HHAT: variants seen among roughly 807,000 people sequenced by gnomAD.
HHAT encodes protein-cysteine N-palmitoyltransferase HHAT.
Under a neutral mutation model 70.8 loss-of-function variants are expected in HHAT, and 47 were observed. That is an observed-to-expected ratio of 0.66 (90% confidence interval 0.53 to 0.85). The LOEUF (loss-of-function observed/expected upper bound fraction) is 0.85, where lower values mean the gene tolerates loss of function less well. Ranked by LOEUF, HHAT falls within the 40% of genes least tolerant of loss-of-function variation. HHAT has a pLI of 0.00. For missense variants in HHAT, 609 were observed against 604.8 expected (o/e 1.01, Z -0.07); for synonymous variants, 228 against 247.6 (o/e 0.92, Z 0.74).
At chr1:210,496,056 T>A (rs1572841357) in intron 8 of HHAT, among the ~76,000 whole-genome samples, 2 of 134,796 alleles carry the variant, frequency 1.5e-5, no homozygotes, top group African/African-American at 5.5e-5. Context: ...GTAGAAAATA[T>A]CAGTATTCAT....
chr1:210,533,314 GCA>G lies in HHAT; in HGVS notation c.1043+20127_1043+20128del, dbSNP rs1348473993. 6.4e-5 allele frequency among the ~76,000 whole-genome samples: 8 copies of G among 125,182 alleles called. 2 individuals are homozygous for G. The highest frequency in any genetic ancestry group is 2.2e-4 in the African/African-American group (8 of 35,758). The allele number at this position is 125,182 out of a possible 152,430, so 82.1% of individuals were successfully genotyped here. On this transcript the variant is annotated intron_variant, in intron 9 of 11. Transcript: ENST00000261458. ...TGGCAGCTGGCTGCTTCAGAAGACA[GCA>G]TCTTTGGGGACTGTCAACTCCAAGG...
intron 11 of HHAT, among the ~76,000 whole-genome samples, chr1:210,641,645 T>C (rs145317414): frequency 1.3e-5 from 2 of 152,256 alleles, no homozygotes; most frequent in African/African-American, 4.8e-5. Flanking sequence ...CGCAATTTAG[T>C]GTTTGCTTAT....
chr1:210,629,485 C>A (rs762099866), intron 11 of HHAT, among the ~76,000 whole-genome samples: 14 of 152,236 alleles, frequency 9.2e-5, no homozygotes, highest in Admixed American at 2.6e-4. Flanking sequence ...GCTGTGTTGC[C>A]ACATTGGTTC....
intron 10 of HHAT, among the ~76,000 whole-genome samples, chr1:210,610,772 T>C (rs1041884954): frequency 6.6e-6 from 1 of 152,194 alleles, no homozygotes; most frequent in African/African-American, 2.4e-5. Flanking sequence ...AAATAGGGAA[T>C]TGTTTCCCCA....
At position 210,376,611 on chromosome 1, in the gene HHAT, G is replaced by A. The variant is rs189712464; in HGVS notation, c.160-10857G>A. Among the ~76,000 whole-genome samples, 45 of 152,306 alleles carry A rather than the reference G, an allele frequency of 3.0e-4. No homozygotes were observed. The East Asian group carries it at 7.7e-3, about 26-fold the overall frequency. ...GTGCCCTGAGGATGTGGTGAGCCTT[G>A]GTCTCGTTCTTCTCTGTCTCTATTC... On this transcript the variant is annotated intron_variant, in intron 3 of 11. Coordinates refer to ENST00000261458, the MANE Select transcript of HHAT (RefSeq NM_018194.6).
At chr1:210,563,577 G>A (rs2095643223) in intron 9 of HHAT, among the ~76,000 whole-genome samples, 1 of 152,180 alleles carries the variant, frequency 6.6e-6, no homozygotes, top group Non-Finnish European at 1.5e-5. Context: ...GCTGATCATG[G>A]GAGAGCAGGG....
intron 8 of HHAT, among the ~76,000 whole-genome samples, chr1:210,509,774 A>T (rs2094923854): frequency 6.6e-6 from 1 of 152,188 alleles, no homozygotes; most frequent in Admixed American, 6.5e-5. Context: ...TGCCTTTCTC[A>T]CATGATCCAA....
intron 9 of HHAT, among the ~76,000 whole-genome samples, chr1:210,523,435 C>T (rs527324820): frequency 2.4e-4 from 36 of 152,278 alleles, no homozygotes; most frequent in African/African-American, 6.7e-4. Flanking sequence ...CCTCCCAAGC[C>T]TCCTGGATCC....
intron 11 of HHAT, among the ~76,000 whole-genome samples, chr1:210,628,845 C>T (rs570248687): frequency 4.0e-4 from 61 of 152,338 alleles, no homozygotes; most frequent in African/African-American, 1.4e-3. Context: ...AATAGAAACT[C>T]ATTCCCATCA....
At chr1:210,370,938 A>G (rs974087245) in intron 3 of HHAT, among the ~76,000 whole-genome samples, 2 of 152,142 alleles carry the variant, frequency 1.3e-5, no homozygotes, top group Non-Finnish European at 2.9e-5. Flanking sequence ...TACGTTAGGC[A>G]GAGAGCTACA....
chr1:210,328,900 G>A, upstream of HHAT: 1 of 751,168 alleles, frequency 1.3e-6, no homozygotes, highest in Non-Finnish European at 1.8e-6. Context: ...CGGAGGGCGC[G>A]CGGGCACGGC....
chr1:210,368,482 C>T (rs1263088414), intron 3 of HHAT, among the ~76,000 whole-genome samples: 5 of 151,984 alleles, frequency 3.3e-5, no homozygotes, highest in Admixed American at 6.6e-5. Context: ...AGTAGAGATG[C>T]GTTTCGCCAT....
chr1:210,602,002 C>A (rs1664399396), intron 10 of HHAT, among the ~76,000 whole-genome samples: 2 of 145,382 alleles, frequency 1.4e-5, no homozygotes, highest in African/African-American at 2.5e-5. Context: ...TGCACACACG[C>A]ATGCAAAGAG....
intron 3 of HHAT, among the ~76,000 whole-genome samples, chr1:210,378,468 T>C (rs1250736560): frequency 6.6e-6 from 1 of 152,194 alleles, no homozygotes; most frequent in African/African-American, 2.4e-5. Flanking sequence ...TATACTGTTT[T>C]CTCTGAAGGA....
intron 11 of HHAT, among the ~76,000 whole-genome samples, chr1:210,642,064 C>T (rs1673080769): frequency 1.3e-5 from 2 of 152,104 alleles, no homozygotes; most frequent in East Asian, 1.9e-4. Flanking sequence ...TTGTTCCTAA[C>T]CCTGTCTTTC....
chr1:210,514,256 G>A (rs1279923774), intron 9 of HHAT, among the ~76,000 whole-genome samples: 3 of 152,012 alleles, frequency 2.0e-5, no homozygotes, highest in Non-Finnish European at 2.9e-5. Flanking sequence ...AAATCTCCTC[G>A]GCCTCCCCCA....
intron 7 of HHAT, among the ~76,000 whole-genome samples, chr1:210,456,041 C>A (rs1271656975): frequency 6.6e-6 from 1 of 152,060 alleles, no homozygotes; most frequent in African/African-American, 2.4e-5. Flanking sequence ...CAGGAGAGCA[C>A]CAGGTTTTGG....
chr1:210,519,868 C>T (rs1451266361), intron 9 of HHAT, among the ~76,000 whole-genome samples: 2 of 143,132 alleles, frequency 1.4e-5, no homozygotes, highest in African/African-American at 2.6e-5. Flanking sequence ...GCTATTCCAA[C>T]TGGGGTGGGG....
intron 9 of HHAT, among the ~76,000 whole-genome samples, chr1:210,544,095 CTCTT>C (rs763665404): frequency 3.3e-4 from 50 of 152,264 alleles, no homozygotes; most frequent in South Asian, 2.1e-4. Context: ...TAAGAAAAGA[CTCTT>C]TATTTTCTGC....
Sources: gnomAD v4.1 joint callset for allele counts (sites outside exome capture counted in the v4.1 genomes callset) on GRCh38, gnomAD v4.1.1 for gene constraint, MANE v1.5 for transcripts, NCBI Gene and HGNC (gene_info 2026-07-23, HGNC 2026-07-21) for gene names.